The following PKIB variants were observed in gnomAD, a reference collection of about 807,000 sequenced individuals.
The protein encoded by PKIB is cAMP-dependent protein kinase inhibitor beta, also known as PKI-beta.
In PKIB, 2 loss-of-function variants were observed where a neutral mutation model predicts 4.5. The observed-to-expected ratio is 0.44, with a 90% CI of 0.18 to 1.39. The LOEUF (loss-of-function observed/expected upper bound fraction) is 1.39, where lower values mean the gene tolerates loss of function less well. Among genes scored for constraint, PKIB ranks in the 40% most tolerant of loss-of-function variants. PKIB has a pLI of 0.27. For missense variants in PKIB, 94 were observed against 92.6 expected (o/e 1.02, Z -0.06); for synonymous variants, 38 against 36.0 (o/e 1.06, Z -0.20).
chr6:122,558,382 T>C (rs534033456), intron 2 of PKIB, among the ~76,000 whole-genome samples: 9 of 152,240 alleles, frequency 5.9e-5, no homozygotes, highest in Non-Finnish European at 1.2e-4. Context: ...ATTTGGTTCA[T>C]GTACCTTGAG....
intron 2 of PKIB, among the ~76,000 whole-genome samples, chr6:122,509,044 C>T (rs776216557): frequency 9.2e-5 from 14 of 152,066 alleles, no homozygotes; most frequent in Admixed American, 2.6e-4. Flanking sequence ...CCACCGCGCC[C>T]GGCCTAAAAT....
intron 3 of PKIB, among the ~76,000 whole-genome samples, chr6:122,701,731 A>G (rs1214925291): frequency 1.3e-5 from 2 of 152,102 alleles, no homozygotes; most frequent in Non-Finnish European, 2.9e-5. Flanking sequence ...ACACCAGTGG[A>G]TTTTATTGCT....
At chr6:122,537,864 G>A (rs1471895571) in intron 2 of PKIB, among the ~76,000 whole-genome samples, 2 of 151,614 alleles carry the variant, frequency 1.3e-5, no homozygotes, top group Non-Finnish European at 2.9e-5. Context: ...TTTAATGATC[G>A]CCATTCTAAC....
chr6:122,473,721 T>G (rs1775373229), intron 1 of PKIB, among the ~76,000 whole-genome samples: 1 of 152,202 alleles, frequency 6.6e-6, no homozygotes, highest in Non-Finnish European at 1.5e-5. Flanking sequence ...AAGCATAGTT[T>G]TCTCAATATA....
At chr6:122,519,133 G>A (rs1195186763) in intron 2 of PKIB, among the ~76,000 whole-genome samples, 1 of 152,144 alleles carries the variant, frequency 6.6e-6, no homozygotes, top group Non-Finnish European at 1.5e-5. Context: ...GGGTGAGCAA[G>A]CGTTACTGCC....
At chr6:122,491,053 C>T (rs1484723414) in intron 2 of PKIB, among the ~76,000 whole-genome samples, 1 of 152,142 alleles carries the variant, frequency 6.6e-6, no homozygotes, top group Non-Finnish European at 1.5e-5. Flanking sequence ...AGTTTTAGAG[C>T]AGGAGTGAAA....
intron 3 of PKIB, among the ~76,000 whole-genome samples, chr6:122,601,594 A>G (rs1419912628): frequency 6.6e-6 from 1 of 151,968 alleles, no homozygotes; most frequent in Non-Finnish European, 1.5e-5. Context: ...GTCAAGACCA[A>G]CCCCTCCTCT....
At chr6:122,633,867 C>T (rs1775794109) in intron 2 of PKIB, among the ~76,000 whole-genome samples, 1 of 152,040 alleles carries the variant, frequency 6.6e-6, no homozygotes, top group Admixed American at 6.6e-5. Context: ...TGAACATAAA[C>T]CTCAAGTTAA....
intron 2 of PKIB, among the ~76,000 whole-genome samples, chr6:122,582,849 T>A (rs1361508997): frequency 6.6e-6 from 1 of 152,084 alleles, no homozygotes; most frequent in African/African-American, 2.4e-5. Flanking sequence ...ACCTAACACA[T>A]AGTAATTACT....
At chr6:122,706,383 G>A (rs1732952814) in intron 3 of PKIB, among the ~76,000 whole-genome samples, 1 of 152,062 alleles carries the variant, frequency 6.6e-6, no homozygotes, top group Non-Finnish European at 1.5e-5. Flanking sequence ...CATATATTAA[G>A]CATCTTCATG....
upstream of PKIB, among the ~76,000 whole-genome samples, chr6:122,609,335 G>A (rs1774655131): frequency 6.6e-6 from 1 of 152,106 alleles, no homozygotes; most frequent in Non-Finnish European, 1.5e-5. Flanking sequence ...ATCTAACCTT[G>A]CTGAACCTCA....
chr6:122,557,085 G>A (rs1278912481), intron 2 of PKIB, among the ~76,000 whole-genome samples: 2 of 152,050 alleles, frequency 1.3e-5, no homozygotes, highest in Admixed American at 1.3e-4. Context: ...GTGTGGTGGC[G>A]GGCACCTGTA....
In PKIB at chr6:122,561,171, C is replaced by CTAA. The variant is rs563087523; in HGVS notation, c.-247-24750_-247-24749insTAA. On this transcript the variant is annotated intron_variant, in intron 2 of 6. Transcript: ENST00000392491. ...GCACTTTCAGTCTTTTTGATGTAGG[C>CTAA]GCTTAGGGCTATGTACTTTCCTCTT... 4.9e-3 allele frequency among the ~76,000 whole-genome samples: 749 copies of CTAA among 151,832 alleles called. 6 individuals carry two copies. The highest frequency in any genetic ancestry group is 0.017 in the African/African-American group (706 of 41,452).
intron 2 of PKIB, among the ~76,000 whole-genome samples, chr6:122,652,325 TGTGTGTGTGG>T (rs1303556580): frequency 2.0e-5 from 2 of 102,040 alleles, no homozygotes; most frequent in African/African-American, 3.9e-5. Flanking sequence ...TGTGTGTGTG[TGTGTGTGTGG>T]AGAGAGAGAG....
At chr6:122,645,198 T>C (rs1252148451) in intron 2 of PKIB, among the ~76,000 whole-genome samples, 1 of 152,226 alleles carries the variant, frequency 6.6e-6, no homozygotes, top group Non-Finnish European at 1.5e-5. Context: ...CTTTCTTAAA[T>C]AATCCACAAT....
chr6:122,669,764 A>G (rs970446910), intron 2 of PKIB, among the ~76,000 whole-genome samples: 3 of 152,122 alleles, frequency 2.0e-5, no homozygotes, highest in Non-Finnish European at 4.4e-5. Context: ...TTCCCTGGGC[A>G]TAAAACCTTG....
chr6:122,645,432 A>G (rs1364745797), intron 2 of PKIB, among the ~76,000 whole-genome samples: 1 of 152,204 alleles, frequency 6.6e-6, no homozygotes, highest in Non-Finnish European at 1.5e-5. Flanking sequence ...GAGAATAATG[A>G]TGTCAACAGG....
intron 2 of PKIB, among the ~76,000 whole-genome samples, chr6:122,637,204 C>G (rs1384074229): frequency 6.6e-6 from 1 of 152,098 alleles, no homozygotes; most frequent in African/African-American, 2.4e-5. Flanking sequence ...ATTAAAACTT[C>G]TATACATATA....
intron 2 of PKIB, among the ~76,000 whole-genome samples, chr6:122,519,479 T>G (rs1054969621): frequency 6.6e-6 from 1 of 152,040 alleles, no homozygotes; most frequent in Non-Finnish European, 1.5e-5. Flanking sequence ...GTGGAAAAAT[T>G]TTCTTCCATG....
Sources: gnomAD v4.1 joint callset for allele counts (sites outside exome capture counted in the v4.1 genomes callset) on GRCh38, gnomAD v4.1.1 for gene constraint, MANE v1.5 for transcripts, NCBI Gene and HGNC (gene_info 2026-07-23, HGNC 2026-07-21) for gene names.